Variants in JPH3 observed in about 807,000 individuals in gnomAD.
JPH3 encodes the protein junctophilin-3.
JPH3 carries 11 observed loss-of-function variants against 59.6 expected under a neutral mutation model. That is an observed-to-expected ratio of 0.18 (90% CI 0.12 to 0.31). The LOEUF is 0.31. JPH3 is among the 10% of genes least tolerant of loss of function. The probability of loss-of-function intolerance (pLI) is 1.00; values close to 1 mark genes in which losing one functional copy is unlikely to be tolerated. For synonymous variants in JPH3, 673 were observed against 483.6 expected (o/e 1.39, Z -5.14); for missense variants, 1,202 against 1,105.7 (o/e 1.09, Z -1.24).
At chr16:87,666,787 C>T (rs2032877666) in intron 2 of JPH3, among the ~76,000 whole-genome samples, 1 of 152,190 alleles carries the variant, frequency 6.6e-6, no homozygotes. Context: ...TGTCCCTGTA[C>T]CCTTGTGAGG....
At chr16:87,618,327 C>T (rs999028759) in intron 1 of JPH3, among the ~76,000 whole-genome samples, 26 of 152,114 alleles carry the variant, frequency 1.7e-4, no homozygotes, top group African/African-American at 5.5e-4. Flanking sequence ...GGAGGGAGGC[C>T]GGGCAGCAGC....
At chr16:87,682,811 A>C (rs1051572191) in intron 2 of JPH3, among the ~76,000 whole-genome samples, 4 of 152,120 alleles carry the variant, frequency 2.6e-5, no homozygotes, top group Admixed American at 2.6e-4. Flanking sequence ...ATTGTTGGGG[A>C]AGTGGTGCCC....
chr16:87,690,141 G>T lies in JPH3; in HGVS notation c.1781G>T (p.Ser594Ile). ...WTSHHRASNH[S>I]PGGSRLLELQ... ...TCCCACCACCGGGCCAGCAACCACA[G>T]CCCCGGAGGCTCCAGGCTGCTGGAG... The change falls in exon 4 of 5, where the codon AGC becomes ATC. Residue 594 changes from serine (S) to isoleucine (I), a missense_variant. Physicochemically the swap from Ser to Ile is moderately radical, Grantham distance 142. Coordinates refer to ENST00000284262, the MANE Select transcript of JPH3 (RefSeq NM_020655.4). The T allele has an allele frequency of 6.3e-7, 1 of 1,595,378 alleles. No homozygotes were observed. The highest frequency in any genetic ancestry group is 1.7e-5 in the Admixed American group (1 of 58,538).
At chr16:87,676,462 G>A (rs966498086) in intron 2 of JPH3, among the ~76,000 whole-genome samples, 1 of 152,156 alleles carries the variant, frequency 6.6e-6, no homozygotes, top group Non-Finnish European at 1.5e-5. Flanking sequence ...TAGCCGGGGT[G>A]CAGTGGTTCA....
chr16:87,654,967 C>G (rs1219062633), intron 2 of JPH3: 1 of 152,266 alleles, frequency 6.6e-6, no homozygotes, highest in African/African-American at 2.4e-5. Flanking sequence ...AAAACGCTGT[C>G]ACCGCAAACC....
chr16:87,621,948 G>A (rs144565087), intron 1 of JPH3, among the ~76,000 whole-genome samples: 354 of 152,344 alleles, frequency 2.3e-3, no homozygotes, highest in African/African-American at 7.8e-3. Flanking sequence ...CGAGAGGGGG[G>A]ATGGTTGGTG....
At chr16:87,628,402 C>T (rs867896263) in intron 1 of JPH3, among the ~76,000 whole-genome samples, 13 of 152,370 alleles carry the variant, frequency 8.5e-5, no homozygotes, top group Middle Eastern at 3.4e-3. Flanking sequence ...TGGCGTCTGC[C>T]CTCCTGAGTG....
intron 1 of JPH3, among the ~76,000 whole-genome samples, chr16:87,612,003 A>G (rs571143292): frequency 7.9e-5 from 12 of 152,326 alleles, no homozygotes; most frequent in African/African-American, 2.9e-4. Context: ...TGGTGCACTC[A>G]CTTTAACCCT....
chr16:87,605,311 G>A (rs894861986), intron 1 of JPH3, among the ~76,000 whole-genome samples: 2 of 152,234 alleles, frequency 1.3e-5, no homozygotes, highest in African/African-American at 4.8e-5. Flanking sequence ...CATCTCCAGA[G>A]TCCTGAGGAA....
chr16:87,678,862 C>T (rs980395716), intron 2 of JPH3, among the ~76,000 whole-genome samples: 3 of 150,700 alleles, frequency 2.0e-5, no homozygotes, highest in Non-Finnish European at 3.0e-5. Flanking sequence ...ACGCCGAGGG[C>T]GCCAGCAGCC....
intron 2 of JPH3, among the ~76,000 whole-genome samples, chr16:87,663,518 C>T (rs916770909): frequency 6.6e-6 from 1 of 152,216 alleles, no homozygotes; most frequent in African/African-American, 2.4e-5. Flanking sequence ...TTCAAGATAA[C>T]ACAAGTTTCC....
intron 2 of JPH3, among the ~76,000 whole-genome samples, chr16:87,677,128 C>T (rs1318505721): frequency 6.7e-6 from 1 of 150,288 alleles, no homozygotes; most frequent in Non-Finnish European, 1.5e-5. Flanking sequence ...CACTGCAATC[C>T]AGCCTAGGCG....
At chr16:87,635,313 C>T (rs539246326) in intron 1 of JPH3, among the ~76,000 whole-genome samples, 8 of 152,162 alleles carry the variant, frequency 5.3e-5, no homozygotes, top group Admixed American at 6.5e-5. Flanking sequence ...CAGCTGGGAC[C>T]CCGGGCTCCG....
chr16:87,622,884 G>A (rs2031240780), intron 1 of JPH3, among the ~76,000 whole-genome samples: 1 of 152,188 alleles, frequency 6.6e-6, no homozygotes, highest in Admixed American at 6.5e-5. Flanking sequence ...CCCTTCCAGG[G>A]CTGGCAAGGC....
intron 2 of JPH3, among the ~76,000 whole-genome samples, chr16:87,679,066 C>G (rs1015858168): frequency 6.6e-6 from 1 of 152,214 alleles, no homozygotes; most frequent in Non-Finnish European, 1.5e-5. Context: ...TCCTCCCCAT[C>G]TTGCAGCCCC....
In JPH3 at chr16:87,690,124, C is replaced by T. The variant is rs771254621; in HGVS notation, c.1764C>T (p.His588=). The T allele has an allele frequency of 5.7e-6, 9 of 1,587,664 alleles. No individual in the cohort carries two copies. Among genetic ancestry groups the T allele is most frequent in the South Asian group, 1.1e-5 (1 of 87,462 alleles). Residue 588 remains histidine (H), a synonymous_variant, in exon 4 of 5, where the codon CAC becomes CAT. Transcript: ENST00000284262. ...SPPVFTWTSH[H]RASNHSPGGS... ...CCGTGTTCACGTGGACTTCCCACCA[C>T]CGGGCCAGCAACCACAGCCCCGGAG... is the stretch of plus-strand genomic sequence containing the variant.
intron 2 of JPH3, among the ~76,000 whole-genome samples, chr16:87,647,244 A>T (rs2032182684): frequency 6.9e-6 from 1 of 145,130 alleles, no homozygotes; most frequent in African/African-American, 2.5e-5. Flanking sequence ...CCTGAGACCC[A>T]TGCAAAGGAG....
At position 87,691,349 on chromosome 16, in the gene JPH3, G is replaced by T. The variant is rs187955926; in HGVS notation, c.2166+823G>T. 5.7e-3 allele frequency among the ~76,000 whole-genome samples: 869 copies of T among 152,292 alleles called. 4 individuals carry two copies. Among genetic ancestry groups the T allele is most frequent in the Non-Finnish European group, 0.01 (686 of 68,008 alleles). ...GGGACGGTGGCTACATAGGATCTGC[G>T]CACGGCCAGGCCCTCACCCCAGCAG... On this transcript the variant is annotated intron_variant, in intron 4 of 4. Transcript: ENST00000284262.
chr16:87,635,066 C>G (rs558215014), intron 1 of JPH3, among the ~76,000 whole-genome samples: 1 of 152,320 alleles, frequency 6.6e-6, no homozygotes, highest in South Asian at 2.1e-4. Context: ...TAGTGGGAGC[C>G]TGGGTGGGGG....
Sources: gnomAD v4.1 joint callset for allele counts (sites outside exome capture counted in the v4.1 genomes callset) on GRCh38, gnomAD v4.1.1 for gene constraint, MANE v1.5 for transcripts, NCBI Gene and HGNC (gene_info 2026-07-23, HGNC 2026-07-21) for gene names.